The following CORO1C variants were observed in gnomAD, a reference collection of about 807,000 sequenced individuals.
CORO1C encodes the protein coronin-1C.
A neutral mutation model predicts 51.2 loss-of-function variants in CORO1C; 14 were observed. The ratio of observed to expected loss-of-function variants is 0.27; its 90% confidence interval spans 0.18 to 0.43. CORO1C has a LOEUF of 0.43. CORO1C is among the 20% of genes least tolerant of loss of function. CORO1C has a pLI of 1.00. For missense variants in CORO1C, 417 were observed against 607.8 expected (o/e 0.69, Z 3.30); for synonymous variants, 181 against 210.5 (o/e 0.86, Z 1.21).
intron 3 of CORO1C, among the ~76,000 whole-genome samples, chr12:108,673,892 AAAAT>A (rs141267749): frequency 0.057 from 8,702 of 151,870 alleles, 500 homozygotes; most frequent in East Asian, 0.31. Flanking sequence ...AATAAAATAA[AAAAT>A]AAATAAATAA....
chr12:108,658,777 TTTC>T lies in CORO1C; in HGVS notation c.588_590del (p.Lys197del). The T allele has an allele frequency of 6.2e-7, 1 of 1,613,012 alleles. No individual in the cohort carries two copies. Among genetic ancestry groups the T allele is most frequent in the Non-Finnish European group, 8.5e-7 (1 of 1,178,976 alleles). On this transcript the variant is annotated inframe_deletion, in exon 5 of 11. Coordinates refer to ENST00000261401, the MANE Select transcript of CORO1C (RefSeq NM_014325.4). The surrounding 1 kb of genome is among the most constrained non-coding windows in gnomAD (Gnocchi z 4.9). ...GTTTCCTGGGATCAATGACTCTCAC[TTTC>T]TTGTCTTTGGAAGCTGTGCAGATCA...
intron 1 of CORO1C, among the ~76,000 whole-genome samples, chr12:108,723,026 G>A (rs984321312): frequency 1.3e-5 from 2 of 152,182 alleles, no homozygotes; most frequent in Admixed American, 6.5e-5. Flanking sequence ...CAGACAACGT[G>A]CATCTTATTA....
intron 6 of CORO1C, among the ~76,000 whole-genome samples, chr12:108,656,322 TCCGGGAGGGAGGTGGGGGGTCAGCC>T (rs1172827271): frequency 6.9e-5 from 3 of 43,578 alleles, no homozygotes; most frequent in African/African-American, 2.4e-4. Flanking sequence ...AGCCGCCCCG[TCCGGGAGGGAGGTGGGGGGTCAGCC>T]CCCACCCGGC....
At chr12:108,674,546 T>C (rs1171451585) in intron 3 of CORO1C, among the ~76,000 whole-genome samples, 1 of 117,716 alleles carries the variant, frequency 8.5e-6, no homozygotes, top group Non-Finnish European at 1.7e-5. Flanking sequence ...AGACTCCGTC[T>C]CAATTTAAAA....
intron 8 of CORO1C, among the ~76,000 whole-genome samples, chr12:108,650,665 T>C (rs545152018): frequency 6.6e-6 from 1 of 152,300 alleles, no homozygotes; most frequent in African/African-American, 2.4e-5. Context: ...ATGATTGTTA[T>C]GAAAAGAAAG....
At position 108,678,310 on chromosome 12, in the gene CORO1C, G is replaced by C. The variant is rs2033983745; in HGVS notation, c.280C>G (p.Gln94Glu). The change falls in exon 3 of 11, where the codon CAG becomes GAG. Residue 94 changes from glutamine to glutamate, a missense_variant. By Grantham distance (29) the Gln-to-Glu change is conservative (BLOSUM62 2). Transcript: ENST00000261401. ...TCCTCTGAACCGCTGGCAATGACCT[G>C]ATCGTTATGTGGGCACCAGTCTATG... ...LDIDWCPHND[Q>E]VIASGSEDCT... 6.2e-7 allele frequency: 1 copy of C among 1,613,274 alleles called. No homozygotes were observed. Among genetic ancestry groups the C allele is most frequent in the South Asian group, 1.1e-5 (1 of 90,960 alleles).
At chr12:108,711,418 G>A (rs765288886) in intron 1 of CORO1C, among the ~76,000 whole-genome samples, 1 of 151,794 alleles carries the variant, frequency 6.6e-6, no homozygotes, top group Non-Finnish European at 1.5e-5. Flanking sequence ...GGTGGCTCAC[G>A]CCTGTAATCC....
intron 2 of CORO1C, among the ~76,000 whole-genome samples, chr12:108,700,349 T>G (rs918666479): frequency 3.3e-5 from 5 of 152,126 alleles, no homozygotes; most frequent in African/African-American, 1.2e-4. Flanking sequence ...TTATTTGCAG[T>G]TCTGGGATTT....
chr12:108,715,852 G>A lies in CORO1C; in HGVS notation c.-5-14529C>T, dbSNP rs2035317625. ...ATCTCACTTAAAAATTAATCCTTGA[G>A]GCCGGGCGGGGTGGCTCACACCTGT... On this transcript the variant is annotated intron_variant, in intron 1 of 10. Transcript: ENST00000261401. Among the ~76,000 whole-genome samples the A allele has an allele frequency of 2.6e-5, 4 of 151,942 alleles. No individual in the cohort carries two copies. In the South Asian group the frequency reaches 8.3e-4, roughly 32 times the overall value.
intron 2 of CORO1C, among the ~76,000 whole-genome samples, chr12:108,683,285 G>C (rs1446311838): frequency 6.6e-6 from 1 of 152,074 alleles, no homozygotes; most frequent in Non-Finnish European, 1.5e-5. Context: ...CAGGCATGGT[G>C]GTGGGTGCCT....
rs144973798 is a variant in CORO1C, at chr12:108,725,874, C to A, written c.-6+5555G>T. Among the ~76,000 whole-genome samples, 568 of 152,188 alleles carry A rather than the reference C, an allele frequency of 3.7e-3. 5 individuals carry two copies. The highest frequency in any genetic ancestry group is 0.013 in the African/African-American group (539 of 41,522). ...CGCCCAGGCTGGAGTGCAACTCTGT[C>A]GCCCAGGCTGGAGTGTGATGGCGCA... is the stretch of plus-strand genomic sequence containing the variant. On this transcript the variant is annotated intron_variant, in intron 1 of 10. Transcript: ENST00000261401.
intron 1 of CORO1C, among the ~76,000 whole-genome samples, chr12:108,725,258 G>A (rs999185549): frequency 1.3e-5 from 2 of 152,140 alleles, no homozygotes; most frequent in Non-Finnish European, 2.9e-5. Flanking sequence ...GTGGGAGTAG[G>A]AATCCATACC....
intron 1 of CORO1C, chr12:108,702,842 A>G (rs1185534665): frequency 1.0e-5 from 16 of 1,535,452 alleles, no homozygotes; most frequent in Non-Finnish European, 1.4e-5. Flanking sequence ...TGCTGGGGGC[A>G]TGTAGCCGGG....
chr12:108,647,917 G>C (rs1017035289), intron 10 of CORO1C, among the ~76,000 whole-genome samples: 7 of 151,098 alleles, frequency 4.6e-5, no homozygotes, highest in African/African-American at 1.5e-4. Context: ...AGAGAGGGGT[G>C]ACTCTCCCAG....
At chr12:108,690,951 G>A (rs551398446) in intron 2 of CORO1C, among the ~76,000 whole-genome samples, 1 of 152,336 alleles carries the variant, frequency 6.6e-6, no homozygotes, top group South Asian at 2.1e-4. Flanking sequence ...TTGATCTACT[G>A]AAACCCTCTG....
Position 108,658,902 on chromosome 12 carries a change from T to C in CORO1C, c.466A>G (p.Ile156Val). 6.2e-7 allele frequency: 1 copy of C among 1,608,638 alleles called. No homozygotes were observed. Among genetic ancestry groups the C allele is most frequent in the Non-Finnish European group, 8.5e-7 (1 of 1,175,246 alleles). ...TCCCCTGTTCCCACATTCCAGATGA[T>C]AATGGCATTATCACAGCCTAAAACA... ...LLSAGCDNAI[I>V]IWNVGTGEAL... The change falls in exon 5 of 11, where the codon ATC becomes GTC. Residue 156 changes from isoleucine to valine, a missense_variant. Transcript: ENST00000261401. The surrounding 1 kb of genome is among the most constrained non-coding windows in gnomAD (Gnocchi z 4.9).
chr12:108,666,941 C>T (rs2033503577), intron 3 of CORO1C, among the ~76,000 whole-genome samples: 1 of 152,168 alleles, frequency 6.6e-6, no homozygotes, highest in African/African-American at 2.4e-5. Context: ...CTTTTATCAG[C>T]TGTGTGACCC....
chr12:108,706,508 C>T (rs1300142446), intron 1 of CORO1C, among the ~76,000 whole-genome samples: 1 of 152,134 alleles, frequency 6.6e-6, no homozygotes, highest in Non-Finnish European at 1.5e-5. Flanking sequence ...GTGCTGAAGA[C>T]ATGATCTTAT....
intron 1 of CORO1C, among the ~76,000 whole-genome samples, chr12:108,711,453 G>A (rs145706944): frequency 0.025 from 3,868 of 152,214 alleles, 178 homozygotes; most frequent in African/African-American, 0.089. Context: ...GCCAAGACAA[G>A]TGGATCGCCT....
Sources: allele counts gnomAD v4.1 joint callset (sites outside exome capture counted in the v4.1 genomes callset), GRCh38; gene constraint gnomAD v4.1.1; non-coding constraint Gnocchi (gnomAD v3.1); transcripts MANE v1.5; gene names NCBI Gene and HGNC (gene_info 2026-07-23, HGNC 2026-07-21).